The following PLCD4 variants were observed in gnomAD, a reference collection of about 807,000 sequenced individuals.
The protein encoded by PLCD4 is phospholipase C delta 4, also known as 1-phosphatidylinositol 4,5-bisphosphate phosphodiesterase delta-4.
A neutral mutation model predicts 90.2 loss-of-function variants in PLCD4; 63 were observed. The ratio of observed to expected loss-of-function variants is 0.70; its 90% CI spans 0.57 to 0.86. PLCD4 has a LOEUF of 0.86. Ranked by LOEUF, PLCD4 falls within the 40% of genes least tolerant of loss-of-function variation. The probability of loss-of-function intolerance (pLI) is 0.00; values close to 1 mark genes in which losing one functional copy is unlikely to be tolerated. For synonymous variants in PLCD4, 294 were observed against 356.5 expected (o/e 0.82, Z 1.97); for missense variants, 830 against 956.3 (o/e 0.87, Z 1.74).
rs766747130 is a variant in PLCD4, at chr2:218,618,789, A to T, written c.392A>T (p.His131Leu). 2.5e-6 allele frequency: 4 copies of T among 1,594,066 alleles called. No homozygotes were observed. Among genetic ancestry groups the T allele is most frequent in the Admixed American group, 3.5e-5 (2 of 56,414 alleles). Residue 131 changes from histidine to leucine, a missense_variant, in exon 4 of 16, where the codon CAT becomes CTT. His to Leu is a moderately conservative substitution (Grantham distance 99, BLOSUM62 -3). Transcript: ENST00000450993. The stretch of plus-strand genomic sequence containing the variant: ...GTGGATCTTGTCACCAGCATGGACC[A>T]TCAGGAGCGCCTGGACCAGTATCGG... ...LLVDLVTSMDHQERLDQWLSD... is the reference protein window; with the variant it reads ...LLVDLVTSMDLQERLDQWLSD...
At chr2:218,622,598 C>T (rs1479573707) in intron 5 of PLCD4, 49 bp from the exon 6 acceptor site, 3 of 1,356,146 alleles carry the variant, frequency 2.2e-6, no homozygotes, top group Non-Finnish European at 3.0e-6. Flanking sequence ...AAAAAGATAA[C>T]ATTTCCCATT....
intron 1 of PLCD4, among the ~76,000 whole-genome samples, chr2:218,615,470 A>G (rs1695535086): frequency 6.6e-6 from 1 of 152,142 alleles, no homozygotes; most frequent in African/African-American, 2.4e-5. Flanking sequence ...TTGGGTAGGA[A>G]GGGGGTGCTG....
intron 3 of PLCD4, among the ~76,000 whole-genome samples, chr2:218,618,044 G>A (rs1248404005): frequency 4.6e-5 from 7 of 152,086 alleles, no homozygotes; most frequent in South Asian, 2.1e-4. Context: ...CCGAGATCGC[G>A]CCACTGCACT....
rs199846313 is a variant in PLCD4, at chr2:218,636,199, A to T, written c.2033-44A>T. The T allele has an allele frequency of 4.5e-3, 7,201 of 1,584,946 alleles. 27 individuals are homozygous for T. The highest frequency in any genetic ancestry group is 5.8e-3 in the Non-Finnish European group (6,716 of 1,154,456). ...ACAAGAAAAGCAACCCAGTCAAGAA[A>T]ACTGTCATAATGTCTTCTTATTTCT... On this transcript the variant is annotated intron_variant, in intron 14 of 15. Coordinates refer to ENST00000450993, the MANE Select transcript of PLCD4 (RefSeq NM_032726.4).
rs1463885232 is a variant in PLCD4, at chr2:218,618,677, G to T, written c.280G>T (p.Val94Phe). The T allele has an allele frequency of 2.5e-6, 4 of 1,613,818 alleles. No individual in the cohort carries two copies. The highest frequency in any genetic ancestry group is 2.5e-6 in the Non-Finnish European group (3 of 1,179,876). ...CCCCCTGGAGCAGGGCTTCACCATT[G>T]TCTTCCATGGCCGCCGCTCCAACCT... ...ELPLEQGFTI[V>F]FHGRRSNLDL... Residue 94 changes from valine to phenylalanine, a missense_variant, in exon 4 of 16, where the codon GTC (valine) becomes TTC (phenylalanine). Val to Phe is a conservative substitution (Grantham distance 50). Transcript: ENST00000450993.
At chr2:218,619,067 C>T (rs898020533) in intron 4 of PLCD4, among the ~76,000 whole-genome samples, 1 of 152,056 alleles carries the variant, frequency 6.6e-6, no homozygotes, top group Non-Finnish European at 1.5e-5. Flanking sequence ...GAGGAGCAAA[C>T]AAGATGCTGC....
chr2:218,632,558 C>CA (rs1160980029), intron 10 of PLCD4, among the ~76,000 whole-genome samples: 1 of 152,036 alleles, frequency 6.6e-6, no homozygotes, highest in Admixed American at 6.6e-5. Context: ...AAATCTTACG[C>CA]AAAATAGATA....
intron 6 of PLCD4, among the ~76,000 whole-genome samples, chr2:218,626,757 T>C (rs1696136746): frequency 6.6e-6 from 1 of 152,122 alleles, no homozygotes; most frequent in Non-Finnish European, 1.5e-5. Flanking sequence ...AAACATCATA[T>C]GGGAACATGG....
intron 5 of PLCD4, among the ~76,000 whole-genome samples, chr2:218,621,861 C>T (rs541985544): frequency 1.9e-4 from 29 of 152,150 alleles, no homozygotes; most frequent in Non-Finnish European, 3.1e-4. Flanking sequence ...AGGTGGATCA[C>T]GAAGTCAGGA....
chr2:218,616,917 TATATATATATAGAG>T (rs1695615352), intron 3 of PLCD4, among the ~76,000 whole-genome samples: 4 of 24,596 alleles, frequency 1.6e-4, no homozygotes, highest in South Asian at 2.0e-3. Flanking sequence ...TATATATATA[TATATATATATAGAG>T]AGAGAGAGAG....
In PLCD4 at chr2:218,621,687, A is replaced by T. The variant is rs919718801; in HGVS notation, c.540+88A>T. 9.9e-6 allele frequency: 15 copies of T among 1,513,480 alleles called. No homozygotes were observed. In the African/African-American group the frequency reaches 2.1e-4, roughly 21 times the overall value. 93.8% of individuals were successfully genotyped at this position (1,513,480 alleles called of 1,614,324 possible). On this transcript the variant is annotated intron_variant, in intron 5 of 15. Coordinates refer to ENST00000450993, the MANE Select transcript of PLCD4 (RefSeq NM_032726.4). ...CCTCTGACCCCAGTCCACAACACTCAATTGTTAAATCTCTGCTATGTGCCC... is the reference window on the plus strand; with the variant it reads ...CCTCTGACCCCAGTCCACAACACTCTATTGTTAAATCTCTGCTATGTGCCC...
intron 1 of PLCD4, among the ~76,000 whole-genome samples, chr2:218,610,392 C>G (rs1695278692): frequency 6.6e-6 from 1 of 151,988 alleles, no homozygotes; most frequent in Admixed American, 6.6e-5. Flanking sequence ...CCTGTAATCC[C>G]AGCTACTTGG....
chr2:218,617,773 T>C (rs1014574653), intron 3 of PLCD4, among the ~76,000 whole-genome samples: 1 of 151,870 alleles, frequency 6.6e-6, no homozygotes, highest in Non-Finnish European at 1.5e-5. Flanking sequence ...CGTAGACATC[T>C]GGAAAGAGGA....
rs746263594 is a variant in PLCD4 at position 218,635,869 on chromosome 2, T to C, written c.1970T>C (p.Val657Ala). ...TCCATTGTGGATCCACTGGTGAAAG[T>C]GCAGATCTTTGGCGTTCGTCTAGAC... ...EGSIVDPLVK[V>A]QIFGVRLDTA... The change falls in exon 14 of 16, where the codon GTG (valine) becomes GCG (alanine). Residue 657 changes from valine (V) to alanine (A), a missense_variant. Coordinates refer to ENST00000450993, the MANE Select transcript of PLCD4 (RefSeq NM_032726.4). The C allele has an allele frequency of 6.2e-7, 1 of 1,613,928 alleles. No individual in the cohort carries two copies. The highest frequency in any genetic ancestry group is 2.2e-5 in the East Asian group (1 of 44,876).
intron 6 of PLCD4, among the ~76,000 whole-genome samples, chr2:218,623,189 C>T (rs757903652): frequency 3.3e-5 from 5 of 152,210 alleles, no homozygotes; most frequent in Admixed American, 1.3e-4. Context: ...GCTTTGCCCT[C>T]GCTGGAAACG....
intron 8 of PLCD4, among the ~76,000 whole-genome samples, chr2:218,630,290 G>A (rs564667295): frequency 7.9e-5 from 12 of 152,338 alleles, no homozygotes; most frequent in Non-Finnish European, 1.6e-4. Context: ...TGAACAATGG[G>A]AATCTGGAGG....
chr2:218,630,872 C>A, intron 9 of PLCD4, 70 bp downstream of exon 9: 1 of 1,460,042 alleles, frequency 6.8e-7, no homozygotes, highest in Non-Finnish European at 9.2e-7. Context: ...GCTCCTTCCT[C>A]TATGCCCCTC....
At chr2:218,627,880 G>A (rs1163053633) in intron 6 of PLCD4, 149 bp from the exon 7 acceptor site, 1 of 640,984 alleles carries the variant, frequency 1.6e-6, no homozygotes, top group Non-Finnish European at 2.7e-6. Flanking sequence ...TACACACTAG[G>A]TGGGGCAAGT....
chr2:218,618,715 C>T lies in PLCD4; in HGVS notation c.318C>T (p.Ala106=), dbSNP rs1293004536. ...HGRRSNLDLM[A]NSVEEAQIWM... is the part of the protein sequence containing the mutation. ...GCCGCTCCAACCTGGACCTGATGGC[C>T]AACAGTGTTGAGGAGGCCCAGATAT... is the stretch of plus-strand genomic sequence containing the variant. Residue 106 remains alanine (A), a synonymous_variant, in exon 4 of 16, where the codon GCC becomes GCT. Transcript: ENST00000450993. 1 of 1,613,434 alleles carries T rather than the reference C, an allele frequency of 6.2e-7. No homozygotes were observed. Among genetic ancestry groups the T allele is most frequent in the East Asian group, 2.2e-5 (1 of 44,866 alleles).
Sources: gnomAD v4.1 joint callset for allele counts (sites outside exome capture counted in the v4.1 genomes callset) on GRCh38, gnomAD v4.1.1 for gene constraint, MANE v1.5 for transcripts, NCBI Gene and HGNC (gene_info 2026-07-23, HGNC 2026-07-21) for gene names.